Variants in RIMS1 observed in about 807,000 individuals in gnomAD.
RIMS1 encodes the protein regulating synaptic membrane exocytosis protein 1.
A neutral mutation model predicts 214.1 loss-of-function variants in RIMS1; 83 were observed. That is an observed-to-expected ratio of 0.39 (90% CI 0.32 to 0.47). RIMS1 has a LOEUF of 0.47. RIMS1 is among the 20% of genes least tolerant of loss of function. The pLI, the probability that RIMS1 is intolerant of heterozygous loss-of-function variation, is 0.99. For synonymous variants in RIMS1, 793 were observed against 786.8 expected, an observed-to-expected ratio of 1.01 and a Z score of -0.13; for missense variants, 2,050 against 2,161.8, an observed-to-expected ratio of 0.95 and a Z score of 1.03.
chr6:72,145,419 C>T (rs2042610500), intron 4 of RIMS1, among the ~76,000 whole-genome samples: 1 of 152,120 alleles, frequency 6.6e-6, no homozygotes, highest in Admixed American at 6.5e-5. Context: ...TCAAGTCCAC[C>T]TGGTCAACAT....
intron 1 of RIMS1, among the ~76,000 whole-genome samples, chr6:71,936,233 A>G (rs940455447): frequency 1.4e-5 from 2 of 145,068 alleles, no homozygotes; most frequent in South Asian, 2.3e-4. Context: ...AGGCTGAGGC[A>G]GGAGAATGGC....
intron 10 of RIMS1, among the ~76,000 whole-genome samples, chr6:72,243,381 AAAAT>A (rs1421697131): frequency 2.6e-5 from 4 of 151,728 alleles, no homozygotes; most frequent in Non-Finnish European, 4.4e-5. Context: ...ATAAAACTCT[AAAAT>A]AAAGGCAAGC....
intron 2 of RIMS1, among the ~76,000 whole-genome samples, chr6:72,065,272 T>C (rs1025854665): frequency 1.3e-5 from 2 of 152,176 alleles, no homozygotes; most frequent in African/African-American, 4.8e-5. Context: ...TCTGCACTTG[T>C]ATTACCAGTA....
At chr6:72,326,755 A>G (rs530702402) in intron 28 of RIMS1, among the ~76,000 whole-genome samples, 27 of 151,842 alleles carry the variant, frequency 1.8e-4, no homozygotes, top group African/African-American at 6.0e-4. Context: ...AAAATGGGGA[A>G]TTGGGGTGTC....
rs148485402 is a variant in RIMS1, at chr6:72,116,421, A to G, written c.471+16435A>G. Among the ~76,000 whole-genome samples, 248 of 152,136 alleles carry G rather than the reference A, an allele frequency of 1.6e-3. 2 individuals are homozygous for G. The highest frequency in any genetic ancestry group is 5.8e-3 in the African/African-American group (242 of 41,560). ...TCAAAGACCATTGTCAGAATCCAAG[A>G]AAACTGGAAGTAGTCTGAAGACAGT... On this transcript the variant is annotated intron_variant, in intron 4 of 33. Coordinates refer to ENST00000521978, the MANE Select transcript of RIMS1 (RefSeq NM_014989.7).
chr6:72,288,997 A>G (rs976317245), intron 24 of RIMS1, among the ~76,000 whole-genome samples: 1 of 152,236 alleles, frequency 6.6e-6, no homozygotes, highest in African/African-American at 2.4e-5. Flanking sequence ...TGAGCTGTGA[A>G]TATTCACCCA....
At chr6:72,301,257 C>T (rs1235816599) in intron 26 of RIMS1, among the ~76,000 whole-genome samples, 1 of 151,534 alleles carries the variant, frequency 6.6e-6, no homozygotes, top group Non-Finnish European at 1.5e-5. Context: ...TCATTTTATT[C>T]CAAGAAAGTG....
intron 4 of RIMS1, among the ~76,000 whole-genome samples, chr6:72,173,985 TA>T (rs5877315): frequency 0.76 from 114,110 of 150,042 alleles, 43,410 homozygotes; most frequent in East Asian, 0.98. Context: ...AAAATAAACT[TA>T]AAAAAAAAAA....
chr6:71,889,887 A>G (rs1194904862), intron 1 of RIMS1, among the ~76,000 whole-genome samples: 1 of 152,228 alleles, frequency 6.6e-6, no homozygotes, highest in Non-Finnish European at 1.5e-5. Flanking sequence ...CTGAGAAATT[A>G]CTTTCACAAA....
intron 2 of RIMS1, among the ~76,000 whole-genome samples, chr6:71,997,367 G>C (rs974834519): frequency 2.6e-5 from 4 of 152,040 alleles, no homozygotes; most frequent in African/African-American, 9.7e-5. Context: ...CCTGGTTATA[G>C]AAAGCAAGCC....
chr6:71,990,364 C>T (rs914939387), intron 2 of RIMS1, among the ~76,000 whole-genome samples: 1 of 152,156 alleles, frequency 6.6e-6, no homozygotes, highest in African/African-American at 2.4e-5. Flanking sequence ...TTTTGTTTTG[C>T]TCCAAGGGCA....
intron 2 of RIMS1, among the ~76,000 whole-genome samples, chr6:72,004,301 G>C (rs962589802): frequency 6.6e-6 from 1 of 151,928 alleles, no homozygotes; most frequent in Non-Finnish European, 1.5e-5. Context: ...CCAAGTCTTT[G>C]CTATTGTGAA....
chr6:72,201,693 T>C (rs1028031678), intron 6 of RIMS1, among the ~76,000 whole-genome samples: 3 of 152,204 alleles, frequency 2.0e-5, no homozygotes, highest in Non-Finnish European at 2.9e-5. Context: ...AGGACAAGCA[T>C]TTACTCAGTC....
chr6:71,944,736 A>G (rs1009248114), intron 1 of RIMS1, among the ~76,000 whole-genome samples: 1 of 152,340 alleles, frequency 6.6e-6, no homozygotes, highest in South Asian at 2.1e-4. Flanking sequence ...CTCGTGATCT[A>G]CATAGAAATC....
At chr6:71,929,956 G>C (rs1782574824) in intron 1 of RIMS1, among the ~76,000 whole-genome samples, 1 of 151,888 alleles carries the variant, frequency 6.6e-6, no homozygotes, top group Admixed American at 6.6e-5. Context: ...AGGAAATAAT[G>C]AGTAATATTT....
intron 2 of RIMS1, among the ~76,000 whole-genome samples, chr6:72,071,199 C>G (rs1443626430): frequency 6.6e-6 from 1 of 152,088 alleles, no homozygotes; most frequent in Admixed American, 6.5e-5. Context: ...AGTTCGAGAT[C>G]AGCCTGGGCA....
chr6:72,153,511 A>G (rs1310736454), intron 4 of RIMS1, among the ~76,000 whole-genome samples: 1 of 152,166 alleles, frequency 6.6e-6, no homozygotes, highest in African/African-American at 2.4e-5. Context: ...TTACATGGCC[A>G]TGTTCTAATC....
intron 1 of RIMS1, among the ~76,000 whole-genome samples, chr6:71,896,086 A>G (rs575217541): frequency 6.6e-6 from 1 of 152,296 alleles, no homozygotes; most frequent in South Asian, 2.1e-4. Context: ...ACATCCTAGT[A>G]TCTGGAATAA....
chr6:72,031,085 A>AACAT (rs1817982646), intron 2 of RIMS1, among the ~76,000 whole-genome samples: 1 of 152,166 alleles, frequency 6.6e-6, no homozygotes, highest in Non-Finnish European at 1.5e-5. Context: ...TTAACATTAT[A>AACAT]TCTTGTAATT....
Sources: gnomAD v4.1 joint callset for allele counts (sites outside exome capture counted in the v4.1 genomes callset) on GRCh38, gnomAD v4.1.1 for gene constraint, MANE v1.5 for transcripts, NCBI Gene and HGNC (gene_info 2026-07-23, HGNC 2026-07-21) for gene names.